The following SERPINA12 variants were observed in gnomAD, a reference collection of about 807,000 sequenced individuals.
SERPINA12 encodes serpin A12.
A neutral mutation model predicts 25.9 loss-of-function variants in SERPINA12; 21 were observed. The ratio of observed to expected loss-of-function variants is 0.81; its 90% CI spans 0.58 to 1.17. The LOEUF is 1.17. Ranked by LOEUF, SERPINA12 falls within the 50% of genes most tolerant of loss-of-function variation. The probability of loss-of-function intolerance (pLI) is 0.00; values close to 1 mark genes in which losing one functional copy is unlikely to be tolerated. For synonymous variants in SERPINA12, 220 were observed against 196.0 expected, an observed-to-expected ratio of 1.12 and a Z score of -1.02; for missense variants, 562 against 508.3, an observed-to-expected ratio of 1.11 and a Z score of -1.02.
At chr14:94,510,587 T>C (rs865873153), upstream of SERPINA12, among the ~76,000 whole-genome samples, 7 of 152,172 alleles carry the variant, frequency 4.6e-5, no homozygotes, top group South Asian at 2.1e-4. Flanking sequence ...TACCATTTCA[T>C]CCAGCAATCC....
chr14:94,505,388 C>T (rs1412822330), intron 1 of SERPINA12, among the ~76,000 whole-genome samples: 2 of 152,222 alleles, frequency 1.3e-5, no homozygotes, highest in East Asian at 3.9e-4. Context: ...CCTGAAGATG[C>T]CCCTGAGCCA....
At chr14:94,500,385 T>C (rs1394907999) in intron 1 of SERPINA12, among the ~76,000 whole-genome samples, 1 of 152,102 alleles carries the variant, frequency 6.6e-6, no homozygotes, top group South Asian at 2.1e-4. Context: ...TACTCTTCTC[T>C]CAGGCAGCCC....
At chr14:94,500,871 GC>G in intron 1 of SERPINA12, 1 of 985,288 alleles carries the variant, frequency 1.0e-6, no homozygotes, top group South Asian at 4.7e-5. Context: ...ACAAATACGG[GC>G]AGATACATAT....
At position 94,498,348 on chromosome 14, in the gene SERPINA12, A is replaced by G; in HGVS notation, c.50T>C (p.Val17Ala). 1 of 1,614,132 alleles carries G rather than the reference A, an allele frequency of 6.2e-7. No individual in the cohort carries two copies. Among genetic ancestry groups the G allele is most frequent in the Non-Finnish European group, 8.5e-7 (1 of 1,180,018 alleles). The change falls in exon 2 of 5, where the codon GTG becomes GCG. Residue 17 changes from valine to alanine, a missense_variant. Physicochemically the swap from Val to Ala is moderately conservative, Grantham distance 64. Transcript: ENST00000677451. Reference protein sequence around the residue: ...LAIFLAVLLTVKGLLKPSFSP... With the variant: ...LAIFLAVLLTAKGLLKPSFSP... ...GAAGCTCGGCTTTAGAAGACCTTTC[A>G]CCGTGAGGAGAACAGCCAGAAAAAT...
chr14:94,499,883 C>T (rs953103914), intron 1 of SERPINA12, among the ~76,000 whole-genome samples: 1 of 152,162 alleles, frequency 6.6e-6, no homozygotes, highest in African/African-American at 2.4e-5. Flanking sequence ...GGATGCAGGT[C>T]ATGGTGCATA....
Position 94,508,450 on chromosome 14 carries a change from A to G in SERPINA12, c.-34+892T>C, listed in dbSNP as rs1290428127. Among the ~76,000 whole-genome samples, 21 of 152,220 alleles carry G rather than the reference A, an allele frequency of 1.4e-4. 1 individual carries two copies. The highest frequency in any genetic ancestry group is 1.4e-3 in the Admixed American group (21 of 15,292). Reference sequence around the variant, plus strand: ...TTCTGTAAATAGTAAAAAATTCAAGATGGCATTTCAGAACATTCGAGAAAA... The same window carrying G: ...TTCTGTAAATAGTAAAAAATTCAAGGTGGCATTTCAGAACATTCGAGAAAA... On this transcript the variant is annotated intron_variant, in intron 1 of 4. Coordinates refer to ENST00000677451, the MANE Select transcript of SERPINA12 (RefSeq NM_001382267.1).
intron 1 of SERPINA12, among the ~76,000 whole-genome samples, chr14:94,505,800 G>A (rs566732707): frequency 2.0e-5 from 3 of 152,326 alleles, no homozygotes; most frequent in Middle Eastern, 3.4e-3. Context: ...CCCACTGAGC[G>A]ACACGGGCAG....
upstream of SERPINA12, chr14:94,511,447 G>T (rs555257039): frequency 1.0e-6 from 1 of 985,290 alleles, no homozygotes; most frequent in Non-Finnish European, 1.2e-6. Context: ...TACAACTAGT[G>T]CAGAAACTTT....
At chr14:94,506,256 T>C (rs2139862021) in intron 1 of SERPINA12, among the ~76,000 whole-genome samples, 1 of 152,294 alleles carries the variant, frequency 6.6e-6, no homozygotes, top group African/African-American at 2.4e-5. Flanking sequence ...GCTAGGAATT[T>C]CTGGTCCTCA....
At chr14:94,495,060 C>CT (rs1427863532) in intron 3 of SERPINA12, among the ~76,000 whole-genome samples, 1 of 127,408 alleles carries the variant, frequency 7.8e-6, no homozygotes, top group African/African-American at 3.6e-5. Flanking sequence ...CAGAATTTCC[C>CT]TTTCTTTTTT....
At chr14:94,517,635 T>C (rs1374918946) in exon 1 of SERPINA12, 2 of 152,172 alleles carry the variant, frequency 1.3e-5, no homozygotes, top group East Asian at 3.9e-4. Context: ...GCTCTTTTTT[T>C]CTCCTGGGGA....
chr14:94,510,109 A>C (rs1595701208), upstream of SERPINA12: 1 of 985,366 alleles, frequency 1.0e-6, no homozygotes, highest in Non-Finnish European at 1.2e-6. Flanking sequence ...CTCATAATGC[A>C]CCTGGTGGCT....
chr14:94,516,990 C>T (rs1176394604), intron 1 of SERPINA12, among the ~76,000 whole-genome samples: 1 of 152,140 alleles, frequency 6.6e-6, no homozygotes, highest in East Asian at 1.9e-4. Flanking sequence ...AATAGGGATA[C>T]CAAGGGGGAG....
rs756147877 is a variant in SERPINA12 at position 94,498,109 on chromosome 14, C to T, written c.289G>A (p.Glu97Lys). The part of the protein sequence containing the change: ...CLGAQDSTLD[E>K]IKQGFNFRKM... Reference sequence around the variant, plus strand: ...CTGAAGTTGAACCCCTGCTTGATCTCGTCCAGGGTGCTGTCCTGGGCACCC... The same window carrying T: ...CTGAAGTTGAACCCCTGCTTGATCTTGTCCAGGGTGCTGTCCTGGGCACCC... Residue 97 changes from glutamate to lysine, a missense_variant, in exon 2 of 5, where the codon GAG (glutamate) becomes AAG (lysine). Coordinates refer to ENST00000677451, the MANE Select transcript of SERPINA12 (RefSeq NM_001382267.1). 1.0e-4 allele frequency: 167 copies of T among 1,614,144 alleles called. 1 individual carries two copies. In the South Asian group the frequency reaches 1.7e-3, roughly 17 times the overall value.
At chr14:94,509,864 T>C (rs1194898997), upstream of SERPINA12, 2 of 525,052 alleles carry the variant, frequency 3.8e-6, no homozygotes, top group Non-Finnish European at 4.9e-6. Flanking sequence ...TGTGATCATC[T>C]TTGAGCAGAA....
upstream of SERPINA12, among the ~76,000 whole-genome samples, chr14:94,513,976 G>A (rs902339538): frequency 3.3e-5 from 5 of 152,110 alleles, no homozygotes; most frequent in African/African-American, 1.2e-4. Flanking sequence ...GTATGGGTTT[G>A]AGAAGGGCAG....
At chr14:94,504,477 C>A (rs1313087377) in intron 1 of SERPINA12, among the ~76,000 whole-genome samples, 2 of 152,212 alleles carry the variant, frequency 1.3e-5, no homozygotes, top group Non-Finnish European at 1.5e-5. Context: ...AATATTCAAC[C>A]CAAGTATCAT....
chr14:94,506,125 G>A (rs1482858265), intron 1 of SERPINA12, among the ~76,000 whole-genome samples: 2 of 152,176 alleles, frequency 1.3e-5, no homozygotes, highest in Admixed American at 6.5e-5. Context: ...GAAGGATGAA[G>A]GAGATTGTCC....
intron 3 of SERPINA12, among the ~76,000 whole-genome samples, chr14:94,492,011 C>A (rs1226789529): frequency 6.6e-6 from 1 of 152,042 alleles, no homozygotes; most frequent in Non-Finnish European, 1.5e-5. Flanking sequence ...ACCTCTGAGA[C>A]CTGGAGGAGG....
Sources: allele counts gnomAD v4.1 joint callset (sites outside exome capture counted in the v4.1 genomes callset), GRCh38; gene constraint gnomAD v4.1.1; transcripts MANE v1.5; gene names NCBI Gene and HGNC (gene_info 2026-07-23, HGNC 2026-07-21).